The following CFAP45 variants were observed in gnomAD, a reference collection of about 807,000 sequenced individuals.
The protein encoded by CFAP45 is cilia and flagella associated protein 45, also known as cilia- and flagella-associated protein 45.
A neutral mutation model predicts 75.6 loss-of-function variants in CFAP45; 43 were observed. That is an observed-to-expected ratio of 0.57 (90% confidence interval 0.45 to 0.73). CFAP45 has a LOEUF of 0.73. Among genes scored for constraint, CFAP45 ranks in the 30% least tolerant of loss-of-function variants. The pLI, the probability that CFAP45 is intolerant of heterozygous loss-of-function variation, is 0.00. For synonymous variants in CFAP45, 223 were observed against 244.6 expected, an observed-to-expected ratio of 0.91 and a Z score of 0.82; for missense variants, 689 against 701.5, an observed-to-expected ratio of 0.98 and a Z score of 0.20.
At chr1:159,873,438 ATGCTCTGCTTTC>A in intron 10 of CFAP45, 1 of 524,582 alleles carries the variant, frequency 1.9e-6, no homozygotes, top group South Asian at 2.4e-5. Context: ...GCTTGGTTTG[ATGCTCTGCTTTC>A]ACTGTTTTGA....
At chr1:159,892,025 G>A (rs528041428) in intron 2 of CFAP45, among the ~76,000 whole-genome samples, 5 of 152,240 alleles carry the variant, frequency 3.3e-5, no homozygotes, top group East Asian at 1.9e-4. Flanking sequence ...GGAGACTTAC[G>A]CCTGTAATCC....
chr1:159,878,781 A>AAAAAAAAAAAAAAAAAAAAAAC, intron 8 of CFAP45, among the ~76,000 whole-genome samples: 1 of 142,424 alleles, frequency 7.0e-6, no homozygotes, highest in African/African-American at 2.6e-5. Context: ...AAAAAAAAAA[A>AAAAAAAAAAAAAAAAAAAAAAC]ACCTTCCTTG....
chr1:159,882,366 A>G (rs945891474), intron 7 of CFAP45, among the ~76,000 whole-genome samples: 2 of 152,160 alleles, frequency 1.3e-5, no homozygotes, highest in East Asian at 3.9e-4. Context: ...TTTCTGATGT[A>G]TGACATACAT....
rs762023819 is a variant in CFAP45, at chr1:159,890,572, C to T, written c.180G>A (p.Lys60=). 2.5e-6 allele frequency: 4 copies of T among 1,613,994 alleles called. No individual in the cohort carries two copies. The highest frequency in any genetic ancestry group is 2.5e-6 in the Non-Finnish European group (3 of 1,179,960). ...SDSPIVLLRD[K]HTLQKTLTAL... ...CAGTGAGAGTTTTTTGAAGGGTATG[C>T]TTATCTCGGAGCAGCACAATGGGGC... The change falls in exon 3 of 12, where the codon AAG becomes AAA. Residue 60 remains lysine, a synonymous_variant. Transcript: ENST00000368099.
chr1:159,891,893 ACTC>A (rs1175556144), intron 2 of CFAP45, among the ~76,000 whole-genome samples: 1 of 152,180 alleles, frequency 6.6e-6, no homozygotes, highest in Non-Finnish European at 1.5e-5. Context: ...CAGCATGACT[ACTC>A]CTGGAGAACT....
At chr1:159,879,912 C>T (rs930022682) in intron 8 of CFAP45, among the ~76,000 whole-genome samples, 1 of 152,184 alleles carries the variant, frequency 6.6e-6, no homozygotes, top group African/African-American at 2.4e-5. Context: ...TTACATAAAT[C>T]CATGTTCACT....
chr1:159,880,849 T>G lies in CFAP45; in HGVS notation c.898-149A>C. ...CAACTATCCTTTGTTAAAGCTGTTTTTTCAAGGGTCATAAATACCCTCTTC... is the reference window on the plus strand; with the variant it reads ...CAACTATCCTTTGTTAAAGCTGTTTGTTCAAGGGTCATAAATACCCTCTTC... On this transcript the variant is annotated intron_variant, in intron 7 of 11. Coordinates refer to ENST00000368099, the MANE Select transcript of CFAP45 (RefSeq NM_012337.3). 3.0e-6 allele frequency: 2 copies of G among 677,448 alleles called. 1 individual carries two copies. Among genetic ancestry groups the G allele is most frequent in the South Asian group, 4.6e-5 (2 of 43,268 alleles). 42.0% of individuals were successfully genotyped at this position (677,448 alleles called of 1,614,324 possible). A position where few individuals can be genotyped will look rare whatever the true frequency, so the allele number is the denominator to read the frequency against.
rs756386691 is a variant in CFAP45, at chr1:159,888,460, G to C, written c.309C>G (p.Ile103Met). The C allele has an allele frequency of 6.2e-7, 1 of 1,603,106 alleles. No individual in the cohort carries two copies. The highest frequency in any genetic ancestry group is 1.1e-5 in the South Asian group (1 of 90,946). The stretch of plus-strand genomic sequence containing the variant: ...TTCGCTCAAACTCCTCAGGGCTGAT[G>C]ATTAGGGACTCCCCGGAGGGATCCT... ...PTEDPSGESL[I>M]ISPEEFERIK... Residue 103 changes from isoleucine (I) to methionine (M), a missense_variant, in exon 4 of 12, where the codon ATC becomes ATG. By Grantham distance (10) the Ile-to-Met change is conservative (BLOSUM62 1). Transcript: ENST00000368099.
intron 7 of CFAP45, among the ~76,000 whole-genome samples, chr1:159,881,842 A>G (rs1033016007): frequency 2.6e-5 from 4 of 152,146 alleles, no homozygotes; most frequent in African/African-American, 7.2e-5. Context: ...TGGCCCCCCA[A>G]TCACCTCCAA....
At chr1:159,897,958 T>A (rs901622946) in intron 1 of CFAP45, 4 of 209,112 alleles carry the variant, frequency 1.9e-5, no homozygotes, top group African/African-American at 9.4e-5. Flanking sequence ...AAAGCTGGAA[T>A]GGGGCTAGAA....
intron 1 of CFAP45, among the ~76,000 whole-genome samples, chr1:159,896,732 G>A (rs1218955130): frequency 6.6e-6 from 1 of 152,080 alleles, no homozygotes; most frequent in East Asian, 1.9e-4. Flanking sequence ...TGAGGACTGG[G>A]GACAGATAAA....
chr1:159,886,410 A>G, intron 6 of CFAP45, 101 bp downstream of exon 6: 6 of 1,027,130 alleles, frequency 5.8e-6, no homozygotes, highest in Admixed American at 1.9e-5. Flanking sequence ...GTAGATGACA[A>G]TAATGACCAT....
chr1:159,885,292 A>G (rs1451931576), intron 6 of CFAP45, among the ~76,000 whole-genome samples: 2 of 152,244 alleles, frequency 1.3e-5, no homozygotes, highest in Non-Finnish European at 2.9e-5. Flanking sequence ...GGAGCTGTTT[A>G]TGCAGAAGAT....
At chr1:159,873,678 T>C (rs1410839346) in intron 10 of CFAP45, among the ~76,000 whole-genome samples, 1 of 152,204 alleles carries the variant, frequency 6.6e-6, no homozygotes, top group Non-Finnish European at 1.5e-5. Context: ...CTCATTACAT[T>C]GCCCAAGCTA....
At chr1:159,873,548 G>A (rs375770475) in intron 10 of CFAP45, 15 of 215,784 alleles carry the variant, frequency 7.0e-5, no homozygotes, top group East Asian at 5.5e-4. Flanking sequence ...ATAGCTCACC[G>A]CAGCCTCAAC....
chr1:159,877,193 G>T (rs1179392788), intron 9 of CFAP45, among the ~76,000 whole-genome samples, 156 bp downstream of exon 9: 1 of 152,154 alleles, frequency 6.6e-6, no homozygotes, highest in Non-Finnish European at 1.5e-5. Flanking sequence ...CAGGCCCTGG[G>T]AGCAGGCCAC....
At position 159,887,540 on chromosome 1, in the gene CFAP45, C is replaced by T. The variant is rs565466598; in HGVS notation, c.588+301G>A. Among the ~76,000 whole-genome samples the T allele has an allele frequency of 3.9e-5, 6 of 152,332 alleles. No homozygotes were observed. In the South Asian group the frequency reaches 1.0e-3, roughly 26 times the overall value. Reference sequence around the variant, plus strand: ...AATCCTCAGCCCACAAAGCCTCTCCCATCTACTACCTTATTTCATCCTGCC... The same window carrying T: ...AATCCTCAGCCCACAAAGCCTCTCCTATCTACTACCTTATTTCATCCTGCC... On this transcript the variant is annotated intron_variant, in intron 5 of 11. Coordinates refer to ENST00000368099, the MANE Select transcript of CFAP45 (RefSeq NM_012337.3).
intron 7 of CFAP45, among the ~76,000 whole-genome samples, chr1:159,883,004 C>T (rs1287526489): frequency 6.6e-6 from 1 of 152,180 alleles, no homozygotes; most frequent in Non-Finnish European, 1.5e-5. Context: ...TCTCTAGCAG[C>T]TCCTCACACT....
intron 3 of CFAP45, 71 bp downstream of exon 3, chr1:159,890,409 C>G (rs1649796492): frequency 4.0e-6 from 6 of 1,489,142 alleles, no homozygotes; most frequent in East Asian, 2.3e-5. Context: ...TGGGTTTACC[C>G]ATCTCCCTAC....
Sources: allele counts gnomAD v4.1 joint callset (sites outside exome capture counted in the v4.1 genomes callset), GRCh38; gene constraint gnomAD v4.1.1; transcripts MANE v1.5; gene names NCBI Gene and HGNC (gene_info 2026-07-23, HGNC 2026-07-21).